SORCS2: variants seen among roughly 807,000 people sequenced by gnomAD.
SORCS2 encodes sortilin related VPS10 domain containing receptor 2.
SORCS2 carries 100 observed loss-of-function variants against 141.6 expected under a neutral mutation model. The ratio of observed to expected loss-of-function variants is 0.71; its 90% CI spans 0.60 to 0.83. The LOEUF (loss-of-function observed/expected upper bound fraction) is 0.83, where lower values mean the gene tolerates loss of function less well. Among genes scored for constraint, SORCS2 ranks in the 40% least tolerant of loss-of-function variants. SORCS2 has a pLI of 0.00. For missense variants in SORCS2, 1,646 were observed against 1,560.2 expected, an observed-to-expected ratio of 1.05 and a Z score of -0.93; for synonymous variants, 789 against 676.9, an observed-to-expected ratio of 1.17 and a Z score of -2.57.
chr4:7,334,201 G>A (rs1421793022), intron 1 of SORCS2, among the ~76,000 whole-genome samples: 1 of 152,156 alleles, frequency 6.6e-6, no homozygotes, highest in East Asian at 1.9e-4. Context: ...GTGCAGGGCT[G>A]GGCCTGGCAG....
chr4:7,479,214 G>A (rs548683620), intron 2 of SORCS2, among the ~76,000 whole-genome samples: 4 of 151,870 alleles, frequency 2.6e-5, no homozygotes, highest in Non-Finnish European at 4.4e-5. Context: ...TTCTCTGGGC[G>A]AGGGTATGTG....
intron 2 of SORCS2, among the ~76,000 whole-genome samples, chr4:7,435,650 T>C (rs1182590757): frequency 6.6e-6 from 1 of 152,260 alleles, no homozygotes; most frequent in Non-Finnish European, 1.5e-5. Context: ...GATTAAATGT[T>C]TGTTGAAGGT....
In SORCS2 at chr4:7,648,284, G is replaced by A. The variant is rs1721212613; in HGVS notation, c.814-5850G>A. Among the ~76,000 whole-genome samples the A allele has an allele frequency of 6.6e-6, 1 of 152,144 alleles. No homozygotes were observed. The highest frequency in any genetic ancestry group is 2.1e-4 in the South Asian group (1 of 4,818). On this transcript the variant is annotated intron_variant, in intron 4 of 26. Coordinates refer to ENST00000507866, the MANE Select transcript of SORCS2 (RefSeq NM_020777.3). The surrounding 1 kb of genome is among the most constrained non-coding windows in gnomAD (Gnocchi z 4.2). The stretch of plus-strand genomic sequence containing the variant: ...GCTTCTGCTGGGCCCTGCTAAGTTG[G>A]GGGTGGTGCAGGGAGGAAGTGACCG...
At chr4:7,422,121 ATCG>A (rs1318414730) in intron 2 of SORCS2, among the ~76,000 whole-genome samples, 1 of 152,144 alleles carries the variant, frequency 6.6e-6, no homozygotes, top group African/African-American at 2.4e-5. Flanking sequence ...GTACGGGTTA[ATCG>A]TCACCCACCT....
At chr4:7,246,161 G>C (rs1337945938) in intron 1 of SORCS2, among the ~76,000 whole-genome samples, 1 of 152,202 alleles carries the variant, frequency 6.6e-6, no homozygotes, top group African/African-American at 2.4e-5. Flanking sequence ...AGCAGCCACA[G>C]CCGTGCAGAA....
intron 2 of SORCS2, among the ~76,000 whole-genome samples, chr4:7,469,986 G>A (rs1029437148): frequency 6.6e-6 from 1 of 152,176 alleles, no homozygotes; most frequent in Admixed American, 6.5e-5. Context: ...GAGGCCAGAG[G>A]CCACAAAGAT....
chr4:7,257,867 G>T (rs1259951969), intron 1 of SORCS2, among the ~76,000 whole-genome samples: 2 of 152,230 alleles, frequency 1.3e-5, no homozygotes, highest in Non-Finnish European at 2.9e-5. Flanking sequence ...GGCGCCGACA[G>T]GAGATGGGAG....
At chr4:7,722,809 C>T (rs1326283172) in intron 18 of SORCS2, among the ~76,000 whole-genome samples, 5 of 152,174 alleles carry the variant, frequency 3.3e-5, no homozygotes, top group Admixed American at 2.0e-4. Flanking sequence ...ACAGAATTTA[C>T]GTAAAAGTTT....
chr4:7,531,574 C>T lies in SORCS2; in HGVS notation c.593C>T (p.Pro198Leu). The change falls in exon 3 of 27, where the codon CCT (proline) becomes CTT (leucine). Residue 198 changes from proline (P) to leucine (L), a missense_variant. Coordinates refer to ENST00000507866, the MANE Select transcript of SORCS2 (RefSeq NM_020777.3). ...GTSYTKLTLQ[P>L]GVTTVIDNFY... is the part of the protein sequence containing the mutation. The stretch of plus-strand genomic sequence containing the variant: ...TCCTACACCAAGCTCACCCTCCAGC[C>T]TGGTGTCACCACCGTCATCGACAAT... 6 of 1,613,926 alleles carry T rather than the reference C, an allele frequency of 3.7e-6. No homozygotes were observed. The highest frequency in any genetic ancestry group is 5.1e-6 in the Non-Finnish European group (6 of 1,179,874).
intron 1 of SORCS2, among the ~76,000 whole-genome samples, chr4:7,265,033 A>G (rs887126081): frequency 1.3e-4 from 20 of 152,146 alleles, no homozygotes; most frequent in African/African-American, 4.8e-4. Flanking sequence ...CCCTGGCGCC[A>G]GGCTTCCCCG....
At chr4:7,346,903 A>G (rs543587665) in intron 1 of SORCS2, among the ~76,000 whole-genome samples, 2 of 152,300 alleles carry the variant, frequency 1.3e-5, no homozygotes, top group Non-Finnish European at 2.9e-5. Context: ...TTGCTTGAAA[A>G]TTTCATGAGA....
chr4:7,576,670 T>G (rs1577779439), intron 3 of SORCS2, among the ~76,000 whole-genome samples: 1 of 150,896 alleles, frequency 6.6e-6, no homozygotes, highest in African/African-American at 2.4e-5. Context: ...CGTGGAGAGG[T>G]GGTGAGGGAG....
intron 3 of SORCS2, among the ~76,000 whole-genome samples, chr4:7,628,697 C>T (rs1719683626): frequency 6.6e-6 from 1 of 151,482 alleles, no homozygotes; most frequent in Non-Finnish European, 1.5e-5. Flanking sequence ...AGGAAGTGAG[C>T]ACAATAACAC....
chr4:7,574,177 C>T (rs573209910), intron 3 of SORCS2, among the ~76,000 whole-genome samples: 20 of 152,364 alleles, frequency 1.3e-4, no homozygotes, highest in South Asian at 4.1e-4. Flanking sequence ...CTCAGAGAAG[C>T]GGGTTGGGTC....
intron 7 of SORCS2, among the ~76,000 whole-genome samples, chr4:7,666,376 C>A (rs1013347136): frequency 6.6e-6 from 1 of 152,210 alleles, no homozygotes; most frequent in Admixed American, 6.5e-5. Context: ...CAGTTTCTAT[C>A]CTGGTTTCCG....
intron 2 of SORCS2, among the ~76,000 whole-genome samples, chr4:7,492,441 G>A (rs28612382): frequency 0.088 from 13,427 of 152,268 alleles, 753 homozygotes; most frequent in African/African-American, 0.16. Context: ...AGGATTCCGC[G>A]GTGTGGATAC....
rs372634111 is a variant in SORCS2 at position 7,354,804 on chromosome 4, G to A, written c.481-41484G>A. On this transcript the variant is annotated intron_variant, in intron 1 of 26. Transcript: ENST00000507866. Reference sequence around the variant, plus strand: ...CCCTGGGGCTCTGCACTGAAAATCCGAACCCCAGAGTAAGTGAAACCCAGA... The same window carrying A: ...CCCTGGGGCTCTGCACTGAAAATCCAAACCCCAGAGTAAGTGAAACCCAGA... 7.9e-5 allele frequency among the ~76,000 whole-genome samples: 12 copies of A among 152,296 alleles called. No individual in the cohort carries two copies. The South Asian group carries it at 1.5e-3, about 18-fold the overall frequency.
At chr4:7,655,846 G>A (rs1025991302) in intron 5 of SORCS2, among the ~76,000 whole-genome samples, 4 of 152,194 alleles carry the variant, frequency 2.6e-5, no homozygotes, top group Non-Finnish European at 4.4e-5. Flanking sequence ...GGGCCAGGCC[G>A]GGCTCATGGA....
At chr4:7,584,749 A>C (rs1716422898) in intron 3 of SORCS2, among the ~76,000 whole-genome samples, 1 of 152,206 alleles carries the variant, frequency 6.6e-6, no homozygotes, top group Admixed American at 6.5e-5. Flanking sequence ...TTGCAGGCAC[A>C]GTTCCAAGAG....
Sources: allele counts gnomAD v4.1 joint callset (sites outside exome capture counted in the v4.1 genomes callset), GRCh38; gene constraint gnomAD v4.1.1; non-coding constraint Gnocchi (gnomAD v3.1); transcripts MANE v1.5; gene names NCBI Gene and HGNC (gene_info 2026-07-23, HGNC 2026-07-21).